Variants in FAM186A observed in about 807,000 individuals in gnomAD.
FAM186A encodes the protein protein FAM186A.
A neutral mutation model predicts 216.8 loss-of-function variants in FAM186A; 163 were observed. That is an observed-to-expected ratio of 0.75 (90% CI 0.66 to 0.86). The LOEUF is 0.86. FAM186A is among the 40% of genes least tolerant of loss of function. The pLI is 0.00. For missense variants in FAM186A, 2,184 were observed against 2,746.2 expected (o/e 0.80, Z 4.58); for synonymous variants, 805 against 1,025.3 (o/e 0.79, Z 4.10).
intron 1 of FAM186A, among the ~76,000 whole-genome samples, chr12:50,388,826 G>A (rs79783967): frequency 0.1 from 15,171 of 152,012 alleles, 1,485 homozygotes; most frequent in East Asian, 0.34. Context: ...GTCGAAGCGA[G>A]CAGATCACTT....
At chr12:50,373,075 G>GAAAGAA (rs1277174258) in intron 1 of FAM186A, among the ~76,000 whole-genome samples, 7 of 141,696 alleles carry the variant, frequency 4.9e-5, no homozygotes, top group Non-Finnish European at 9.3e-5. Context: ...AAGAAAGAAA[G>GAAAGAA]AGAAAAGAAA....
chr12:50,336,597 T>C (rs1440113400), intron 4 of FAM186A, among the ~76,000 whole-genome samples: 2 of 152,148 alleles, frequency 1.3e-5, no homozygotes, highest in East Asian at 3.8e-4. Flanking sequence ...TTGAAAACCA[T>C]TGTGCTTACG....
rs1207754916 is a variant in FAM186A at position 50,327,378 on chromosome 12, TAC to T, written c.*3_*4del. 4.5e-6 allele frequency: 7 copies of T among 1,546,562 alleles called. No homozygotes were observed. The highest frequency in any genetic ancestry group is 4.1e-5 in the African/African-American group (3 of 72,884). On this transcript the variant is annotated 3_prime_UTR_variant, in exon 8 of 8. Transcript: ENST00000327337. ...CTTTCAACATGCTTGTATTTAATTT[TAC>T]AGTCATTTGGGAATCTTCTTAACCC...
chr12:50,389,181 A>G (rs1020118200), intron 1 of FAM186A, among the ~76,000 whole-genome samples: 5 of 152,026 alleles, frequency 3.3e-5, no homozygotes, highest in Non-Finnish European at 5.9e-5. Flanking sequence ...GCTTGAGCAC[A>G]ATAACAAGAC....
At chr12:50,345,148 A>G (rs1942800434) in intron 4 of FAM186A, among the ~76,000 whole-genome samples, 1 of 152,194 alleles carries the variant, frequency 6.6e-6, no homozygotes, top group Admixed American at 6.5e-5. Context: ...CTAAAAAACA[A>G]AACAAAACAA....
chr12:50,387,456 A>G (rs1943314482), intron 1 of FAM186A, among the ~76,000 whole-genome samples: 1 of 152,188 alleles, frequency 6.6e-6, no homozygotes, highest in African/African-American at 2.4e-5. Context: ...GAGGTTTAAT[A>G]GGCAGAAGAA....
intron 1 of FAM186A, among the ~76,000 whole-genome samples, chr12:50,392,765 A>ATT (rs71083559): frequency 0.23 from 27,648 of 118,312 alleles, 3,939 homozygotes; most frequent in East Asian, 0.33. Context: ...CACTTGGCTA[A>ATT]TTTTTTTTTT....
rs1274461049 is a variant in FAM186A, at chr12:50,353,617, C to G, written c.3215G>C (p.Cys1072Ser). The G allele has an allele frequency of 6.5e-7, 1 of 1,530,992 alleles. No individual in the cohort carries two copies. The highest frequency in any genetic ancestry group is 8.8e-7 in the Non-Finnish European group (1 of 1,138,710). The allele number at this position is 1,530,992 out of a possible 1,614,324, so 94.8% of individuals were successfully genotyped here. The change falls in exon 4 of 8, where the codon TGC becomes TCC. Residue 1072 changes from cysteine to serine, a missense_variant. By Grantham distance (112) the Cys-to-Ser change is moderately radical. Transcript: ENST00000327337. ...LPISGQPLTK[C>S]IHLTPQQAQE... ...GGCCTGCTGAGGTGTGAGATGAATGCATTTAGTGAGAGGCTGGCCAGAAAT... is the reference window on the plus strand; with the variant it reads ...GGCCTGCTGAGGTGTGAGATGAATGGATTTAGTGAGAGGCTGGCCAGAAAT...
At chr12:50,363,614 T>G (rs552793686) in intron 1 of FAM186A, among the ~76,000 whole-genome samples, 12 of 152,250 alleles carry the variant, frequency 7.9e-5, no homozygotes, top group Admixed American at 3.3e-4. Flanking sequence ...GGATCTTAAC[T>G]CTAGGTCTTT....
Position 50,351,369 on chromosome 12 carries a change from G to C in FAM186A, c.5463C>G (p.Ser1821=). ...CCCGAGATATTGGGAGCTGCCCAGG[G>C]GAGGGAGGGGCCTGTGGTGCCGGGA... ...AQFPAPQAPP[S]PGQLPISRAP... is the part of the protein sequence containing the mutation. Residue 1821 remains serine, a synonymous_variant, in exon 4 of 8, where the codon TCC becomes TCG. Coordinates refer to ENST00000327337, the MANE Select transcript of FAM186A (RefSeq NM_001145475.3). 1 of 1,477,466 alleles carries C rather than the reference G, an allele frequency of 6.8e-7. No homozygotes were observed. The highest frequency in any genetic ancestry group is 9.0e-7 in the Non-Finnish European group (1 of 1,116,142). 91.5% of individuals were successfully genotyped at this position (1,477,466 alleles called of 1,614,324 possible).
At chr12:50,375,180 A>T (rs999545148) in intron 1 of FAM186A, among the ~76,000 whole-genome samples, 6 of 151,992 alleles carry the variant, frequency 3.9e-5, no homozygotes, top group East Asian at 1.9e-4. Context: ...TCCATCTCAA[A>T]AAATAAATAA....
At chr12:50,363,114 G>T in intron 2 of FAM186A, 31 bp downstream of exon 2, 6 of 1,477,732 alleles carry the variant, frequency 4.1e-6, no homozygotes, top group South Asian at 2.6e-5. Flanking sequence ...TAACTTTATG[G>T]TTTTCCTCTG....
chr12:50,379,479 CAA>C (rs1555218642), intron 1 of FAM186A, among the ~76,000 whole-genome samples: 9 of 11,338 alleles, frequency 7.9e-4, no homozygotes, highest in East Asian at 6.7e-3. Flanking sequence ...AAAACAAAAA[CAA>C]AAACAAAAAA....
Position 50,354,875 on chromosome 12 carries a change from A to T in FAM186A, c.1957T>A (p.Ser653Thr), listed in dbSNP as rs1942955794. Reference protein sequence around the residue: ...LSRVAKETSESTRVLESPDGK... With the variant: ...LSRVAKETSETTRVLESPDGK... ...TCTGGACTTTCTAGAACTCTGGTAG[A>T]TTCTGAAGTCTCTTTAGCCACTCTT... Residue 653 changes from serine (S) to threonine (T), a missense_variant, in exon 4 of 8, where the codon TCT becomes ACT. By Grantham distance (58) the Ser-to-Thr change is moderately conservative. Transcript: ENST00000327337. 6.5e-7 allele frequency: 1 copy of T among 1,550,024 alleles called. No homozygotes were observed. The highest frequency in any genetic ancestry group is 8.7e-7 in the Non-Finnish European group (1 of 1,146,770).
At chr12:50,336,159 T>TA (rs1380632308) in intron 4 of FAM186A, among the ~76,000 whole-genome samples, 2 of 150,764 alleles carry the variant, frequency 1.3e-5, no homozygotes, top group African/African-American at 2.4e-5. Flanking sequence ...GAAGGCTTTA[T>TA]AGGAAGGTGT....
At chr12:50,393,213 C>G (rs529258694) in intron 1 of FAM186A, among the ~76,000 whole-genome samples, 4 of 152,060 alleles carry the variant, frequency 2.6e-5, no homozygotes, top group East Asian at 3.9e-4. Context: ...TATGAGCCAC[C>G]GCTCCCGGCT....
intron 1 of FAM186A, chr12:50,365,616 C>A: frequency 1.7e-6 from 1 of 590,412 alleles, no homozygotes; most frequent in African/African-American, 1.9e-5. Context: ...AGTTCTCTTC[C>A]CTTTTGCCGC....
At chr12:50,385,451 C>A (rs901278837) in intron 1 of FAM186A, among the ~76,000 whole-genome samples, 1 of 147,502 alleles carries the variant, frequency 6.8e-6, no homozygotes, top group Non-Finnish European at 1.5e-5. Context: ...TATAAAACTA[C>A]TAGAAGGAAA....
Position 50,356,091 on chromosome 12 carries a change from G to A in FAM186A, c.741C>T (p.Thr247=), listed in dbSNP as rs2136094570. ...IQGMLQELIG[T]TMFSTLENNA... ...TGTTTTCCAATGTACTGAACATTGT[G>A]GTGCCTATGAGTTCCTGTAGCATAC... is the stretch of plus-strand genomic sequence containing the variant. The change falls in exon 4 of 8, where the codon ACC becomes ACT. Residue 247 remains threonine (T), a synonymous_variant. Transcript: ENST00000327337. 1 of 1,551,530 alleles carries A rather than the reference G, an allele frequency of 6.4e-7. No homozygotes were observed. Among genetic ancestry groups the A allele is most frequent in the South Asian group, 1.2e-5 (1 of 84,050 alleles).
Sources: gnomAD v4.1 joint callset for allele counts (sites outside exome capture counted in the v4.1 genomes callset) on GRCh38, gnomAD v4.1.1 for gene constraint, MANE v1.5 for transcripts, NCBI Gene and HGNC (gene_info 2026-07-23, HGNC 2026-07-21) for gene names.